Variants in ELP4 observed in about 807,000 individuals in gnomAD.
The protein encoded by ELP4 is elongator complex protein 4.
In ELP4, 51 loss-of-function variants were observed where a neutral mutation model predicts 48.9. The ratio of observed to expected loss-of-function variants is 1.04; its 90% CI spans 0.83 to 1.32. The LOEUF (loss-of-function observed/expected upper bound fraction) is 1.32, where lower values mean the gene tolerates loss of function less well. Among genes scored for constraint, ELP4 ranks in the 40% most tolerant of loss-of-function variants. The pLI, the probability that ELP4 is intolerant of heterozygous loss-of-function variation, is 0.00. For synonymous variants in ELP4, 210 were observed against 189.2 expected, an observed-to-expected ratio of 1.11 and a Z score of -0.90; for missense variants, 519 against 514.6, an observed-to-expected ratio of 1.01 and a Z score of -0.08.
At chr11:31,600,252 A>G (rs1409366808) in intron 4 of ELP4, 2 of 152,088 alleles carry the variant, frequency 1.3e-5, no homozygotes, top group Non-Finnish European at 2.9e-5. Flanking sequence ...TAAGGTGGAC[A>G]TACCTTCTTC....
intron 9 of ELP4, among the ~76,000 whole-genome samples, chr11:31,772,399 C>T (rs754725563): frequency 6.6e-6 from 1 of 152,278 alleles, no homozygotes; most frequent in African/African-American, 2.4e-5. Context: ...GAATTACAGG[C>T]GTGAGCCAAC....
At chr11:31,554,807 A>G (rs975059493) in intron 3 of ELP4, among the ~76,000 whole-genome samples, 7 of 152,180 alleles carry the variant, frequency 4.6e-5, no homozygotes, top group African/African-American at 1.7e-4. Context: ...TTCTAGTGTC[A>G]TCATATCCAT....
intron 9 of ELP4, among the ~76,000 whole-genome samples, chr11:31,763,245 C>T (rs1340185502): frequency 6.6e-6 from 1 of 152,006 alleles, no homozygotes; most frequent in Non-Finnish European, 1.5e-5. Context: ...CCTTTCCTGT[C>T]GCTTGATTTG....
At chr11:31,589,732 C>G (rs1957537629) in intron 3 of ELP4, among the ~76,000 whole-genome samples, 1 of 152,022 alleles carries the variant, frequency 6.6e-6, no homozygotes, top group Non-Finnish European at 1.5e-5. Flanking sequence ...AGAATTGTCT[C>G]CATCAGTTTT....
intron 9 of ELP4, among the ~76,000 whole-genome samples, chr11:31,735,924 C>T (rs1947304745): frequency 6.6e-6 from 1 of 152,116 alleles, no homozygotes; most frequent in Non-Finnish European, 1.5e-5. Context: ...AGATTCAATG[C>T]CATCCCCATC....
chr11:31,611,734 A>T (rs1179630907), intron 5 of ELP4, among the ~76,000 whole-genome samples: 1 of 152,268 alleles, frequency 6.6e-6, no homozygotes, highest in Non-Finnish European at 1.5e-5. Flanking sequence ...AACAAAGCAG[A>T]CGTTAACCTT....
intron 5 of ELP4, among the ~76,000 whole-genome samples, chr11:31,609,077 T>A (rs1957928379): frequency 6.6e-6 from 1 of 152,158 alleles, no homozygotes; most frequent in African/African-American, 2.4e-5. Context: ...AGACTTCCAG[T>A]GACTGCTTCA....
intron 6 of ELP4, among the ~76,000 whole-genome samples, chr11:31,631,246 A>G (rs1236371556): frequency 1.3e-5 from 2 of 152,174 alleles, no homozygotes; most frequent in Non-Finnish European, 2.9e-5. Flanking sequence ...AAATTTTATC[A>G]GTGGTATTTT....
At chr11:31,586,574 C>T (rs1309066495) in intron 3 of ELP4, among the ~76,000 whole-genome samples, 2 of 152,156 alleles carry the variant, frequency 1.3e-5, no homozygotes, top group East Asian at 3.9e-4. Context: ...GAAAGTATTA[C>T]AAAATATTAT....
intron 2 of ELP4, among the ~76,000 whole-genome samples, chr11:31,535,714 A>G (rs572697979): frequency 6.6e-4 from 100 of 152,310 alleles, no homozygotes; most frequent in South Asian, 2.9e-3. Context: ...ATCAAGATAT[A>G]AAACACTTCT....
chr11:31,773,274 G>A (rs553257207), intron 9 of ELP4, among the ~76,000 whole-genome samples: 49 of 152,284 alleles, frequency 3.2e-4, no homozygotes, highest in African/African-American at 1.2e-3. Flanking sequence ...CTAGGATTCC[G>A]TTGCAAGAAA....
chr11:31,559,600 A>G (rs1281483512), intron 3 of ELP4, among the ~76,000 whole-genome samples: 1 of 152,142 alleles, frequency 6.6e-6, no homozygotes, highest in Non-Finnish European at 1.5e-5. Context: ...GTAATCAAAG[A>G]GTATAAAGAA....
At chr11:31,629,115 ATAAT>A (rs1435926813) in intron 6 of ELP4, among the ~76,000 whole-genome samples, 2 of 152,184 alleles carry the variant, frequency 1.3e-5, no homozygotes, top group South Asian at 2.1e-4. Flanking sequence ...ATCTGTAAAA[ATAAT>A]TAGAGTGCAG....
chr11:31,708,183 C>T (rs1239228603), intron 9 of ELP4, among the ~76,000 whole-genome samples: 1 of 152,112 alleles, frequency 6.6e-6, no homozygotes, highest in Non-Finnish European at 1.5e-5. Context: ...AATTCCTTTT[C>T]AGCTCCCAGA....
intron 9 of ELP4, among the ~76,000 whole-genome samples, chr11:31,670,133 T>C (rs1592208753): frequency 6.6e-6 from 1 of 152,160 alleles, no homozygotes; most frequent in Non-Finnish European, 1.5e-5. Flanking sequence ...ATAATTTGAT[T>C]TGAATTTAAA....
chr11:31,724,902 TCTC>T (rs553752649), intron 9 of ELP4, among the ~76,000 whole-genome samples: 25 of 152,358 alleles, frequency 1.6e-4, no homozygotes, highest in Middle Eastern at 3.4e-3. Flanking sequence ...TAGTTTAAAA[TCTC>T]CTCTGCTTTT....
intron 9 of ELP4, among the ~76,000 whole-genome samples, chr11:31,674,550 A>G (rs573793769): frequency 7.4e-4 from 112 of 152,374 alleles, no homozygotes; most frequent in South Asian, 5.6e-3. Flanking sequence ...ATATTTGGAA[A>G]GCTGTGTTAA....
chr11:31,733,476 C>CAAAAA (rs59733716), intron 9 of ELP4, among the ~76,000 whole-genome samples: 1 of 70,008 alleles, frequency 1.4e-5, no homozygotes, highest in African/African-American at 4.3e-5. Flanking sequence ...GACTCCATCT[C>CAAAAA]AAAAAAAAAA....
At chr11:31,554,188 A>T (rs1462643326) in intron 3 of ELP4, among the ~76,000 whole-genome samples, 1 of 152,196 alleles carries the variant, frequency 6.6e-6, no homozygotes, top group Non-Finnish European at 1.5e-5. Context: ...TATCAGTGTA[A>T]TAATGATAGA....
Sources: allele counts gnomAD v4.1 joint callset (sites outside exome capture counted in the v4.1 genomes callset), GRCh38; gene constraint gnomAD v4.1.1; transcripts MANE v1.5; gene names NCBI Gene and HGNC (gene_info 2026-07-23, HGNC 2026-07-21).